FHIT: variants seen among roughly 807,000 people sequenced by gnomAD.
FHIT encodes bis(5'-adenosyl)-triphosphatase.
Under a neutral mutation model 17.9 loss-of-function variants are expected in FHIT, and 19 were observed. That is an observed-to-expected ratio of 1.06 (90% confidence interval 0.74 to 1.56). The LOEUF is 1.56. Among genes scored for constraint, FHIT ranks in the 40% most tolerant of loss-of-function variants. FHIT has a pLI of 0.00. For missense variants in FHIT, 248 were observed against 189.2 expected, an observed-to-expected ratio of 1.31 and a Z score of -1.82; for synonymous variants, 81 against 69.7, an observed-to-expected ratio of 1.16 and a Z score of -0.81.
intron 5 of FHIT, chr3:60,535,757 G>A (rs1246766275): frequency 6.6e-6 from 1 of 151,052 alleles, no homozygotes; most frequent in African/African-American, 2.4e-5. Context: ...AGAAATTTGG[G>A]AGTCTATAAT....
chr3:60,588,397 T>G (rs1035900634), intron 4 of FHIT, among the ~76,000 whole-genome samples: 4 of 150,946 alleles, frequency 2.6e-5, no homozygotes, highest in Middle Eastern at 3.4e-3. Flanking sequence ...AAAATGCCAC[T>G]CTCTAAAATT....
rs547679127 is a variant in FHIT, at chr3:60,286,695, C to T, written c.103+250165G>A. Among the ~76,000 whole-genome samples the T allele has an allele frequency of 5.9e-4, 90 of 152,274 alleles. 1 individual carries two copies. The highest frequency in any genetic ancestry group is 4.1e-4 in the South Asian group (2 of 4,828). ...ATCAGACAAGAGCAACAGGGAAAGTCGGTGTTTGCTATTTAAATTGTTTTT... is the reference window on the plus strand; with the variant it reads ...ATCAGACAAGAGCAACAGGGAAAGTTGGTGTTTGCTATTTAAATTGTTTTT... On this transcript the variant is annotated intron_variant, in intron 5 of 9. Coordinates refer to ENST00000492590, the MANE Select transcript of FHIT (RefSeq NM_002012.4).
chr3:60,515,873 C>A (rs1439724379), intron 5 of FHIT, among the ~76,000 whole-genome samples: 2 of 152,228 alleles, frequency 1.3e-5, no homozygotes, highest in African/African-American at 4.8e-5. Flanking sequence ...TGTAAGACAA[C>A]TGAGCTTGGA....
chr3:60,125,825 C>T (rs1705522430), intron 5 of FHIT, among the ~76,000 whole-genome samples: 1 of 152,054 alleles, frequency 6.6e-6, no homozygotes, highest in Non-Finnish European at 1.5e-5. Context: ...AGTGAGTACA[C>T]TAAAAAAACA....
intron 5 of FHIT, among the ~76,000 whole-genome samples, chr3:60,283,227 A>G (rs1707550004): frequency 6.6e-6 from 1 of 151,932 alleles, no homozygotes; most frequent in Non-Finnish European, 1.5e-5. Context: ...AAACAGGGAT[A>G]TATACACACA....
intron 4 of FHIT, among the ~76,000 whole-genome samples, chr3:60,659,101 A>G (rs1465527215): frequency 6.6e-6 from 1 of 151,794 alleles, no homozygotes; most frequent in Non-Finnish European, 1.5e-5. Context: ...ATGTCAGCCC[A>G]TTGCATTCTG....
At position 60,109,644 on chromosome 3, in the gene FHIT, G is replaced by A. The variant is rs531843355; in HGVS notation, c.104-95492C>T. ...AGTGGTTAATGGTTTCCTTAAATGC[G>A]GCAGAAAATGGCTTATGTGTACCTA... On this transcript the variant is annotated intron_variant, in intron 5 of 9. Transcript: ENST00000492590. Among the ~76,000 whole-genome samples, 37 of 152,212 alleles carry A rather than the reference G, an allele frequency of 2.4e-4. 1 individual carries two copies. The highest frequency in any genetic ancestry group is 3.8e-4 in the Non-Finnish European group (26 of 68,030).
intron 3 of FHIT, among the ~76,000 whole-genome samples, chr3:60,988,417 G>A (rs1575801994): frequency 6.6e-6 from 1 of 152,148 alleles, no homozygotes; most frequent in Admixed American, 6.5e-5. Flanking sequence ...TAGTGGACAG[G>A]ATGGATATTT....
At chr3:60,887,404 G>A (rs974534196) in intron 3 of FHIT, among the ~76,000 whole-genome samples, 4 of 152,142 alleles carry the variant, frequency 2.6e-5, no homozygotes, top group Non-Finnish European at 4.4e-5. Flanking sequence ...CAGCACTTTG[G>A]GAGGCCAAGG....
At chr3:60,886,871 A>AT (rs1475106716) in intron 3 of FHIT, among the ~76,000 whole-genome samples, 1 of 152,210 alleles carries the variant, frequency 6.6e-6, no homozygotes, top group East Asian at 1.9e-4. Context: ...TACCTAGGTC[A>AT]TAATACATTA....
chr3:60,717,604 T>C (rs1441639360), intron 4 of FHIT, among the ~76,000 whole-genome samples: 9 of 152,168 alleles, frequency 5.9e-5, no homozygotes, highest in African/African-American at 1.7e-4. Flanking sequence ...TAGCGAAGAT[T>C]TGAGCTTGAA....
intron 5 of FHIT, among the ~76,000 whole-genome samples, chr3:60,188,153 G>A (rs1468725155): frequency 6.7e-6 from 1 of 148,566 alleles, no homozygotes; most frequent in African/African-American, 2.5e-5. Flanking sequence ...ACAATCCATT[G>A]AATGTCAGAC....
chr3:59,834,798 G>C (rs1216161317), intron 8 of FHIT, among the ~76,000 whole-genome samples: 1 of 152,124 alleles, frequency 6.6e-6, no homozygotes, highest in African/African-American at 2.4e-5. Flanking sequence ...GTCTATAACA[G>C]ATAGACAGAT....
chr3:60,917,508 C>T (rs1707069479), intron 3 of FHIT, among the ~76,000 whole-genome samples: 1 of 152,216 alleles, frequency 6.6e-6, no homozygotes, highest in African/African-American at 2.4e-5. Context: ...TTTGCCATGG[C>T]TGGCAAGGCC....
chr3:61,229,468 C>T (rs1436241224), intron 1 of FHIT, among the ~76,000 whole-genome samples: 1 of 152,142 alleles, frequency 6.6e-6, no homozygotes, highest in East Asian at 1.9e-4. Flanking sequence ...TTGTTTTAAG[C>T]CACCAAATTT....
intron 5 of FHIT, among the ~76,000 whole-genome samples, chr3:60,361,231 T>C (rs1180825022): frequency 6.6e-6 from 1 of 152,116 alleles, no homozygotes; most frequent in Non-Finnish European, 1.5e-5. Context: ...TATAATACAA[T>C]GCTATAAAGA....
At chr3:60,631,938 G>A (rs2039454318) in intron 4 of FHIT, among the ~76,000 whole-genome samples, 1 of 152,158 alleles carries the variant, frequency 6.6e-6, no homozygotes, top group Non-Finnish European at 1.5e-5. Context: ...ACAGAACTGG[G>A]CAGACTACCA....
chr3:60,365,715 G>T (rs9878487), intron 5 of FHIT, among the ~76,000 whole-genome samples: 82,890 of 151,954 alleles, frequency 0.55, 22,935 homozygotes, highest in Non-Finnish European at 0.59. Flanking sequence ...TCAGTGTTAC[G>T]TCTTAAGATT....
At chr3:61,177,931 C>A (rs1432802749) in intron 2 of FHIT, among the ~76,000 whole-genome samples, 1 of 152,126 alleles carries the variant, frequency 6.6e-6, no homozygotes, top group Non-Finnish European at 1.5e-5. Flanking sequence ...AATACCACCA[C>A]TTTCTGGGTT....
Sources: gnomAD v4.1 joint callset for allele counts (sites outside exome capture counted in the v4.1 genomes callset) on GRCh38, gnomAD v4.1.1 for gene constraint, MANE v1.5 for transcripts, NCBI Gene and HGNC (gene_info 2026-07-23, HGNC 2026-07-21) for gene names.